Variants in EBF1 observed in about 807,000 individuals in gnomAD.
EBF1 encodes the protein transcription factor COE1.
In EBF1, 10 loss-of-function variants were observed where a neutral mutation model predicts 68.4. The observed-to-expected ratio is 0.15, with a 90% CI of 0.09 to 0.25. EBF1 has a LOEUF of 0.25. Ranked by LOEUF, EBF1 falls within the 10% of genes least tolerant of loss-of-function variation. The probability of loss-of-function intolerance (pLI) is 1.00; values close to 1 mark genes in which losing one functional copy is unlikely to be tolerated. For synonymous variants in EBF1, 298 were observed against 299.8 expected, an observed-to-expected ratio of 0.99 and a Z score of 0.06; for missense variants, 509 against 794.4, an observed-to-expected ratio of 0.64 and a Z score of 4.32.
intron 10 of EBF1, among the ~76,000 whole-genome samples, chr5:158,764,342 TA>T (rs1344931592): frequency 5.3e-5 from 8 of 152,234 alleles, no homozygotes; most frequent in African/African-American, 1.9e-4. Context: ...GCCAAGTCTT[TA>T]AAACTCTGTA....
At chr5:158,839,476 G>A (rs555807670) in intron 7 of EBF1, among the ~76,000 whole-genome samples, 6 of 152,032 alleles carry the variant, frequency 3.9e-5, no homozygotes, top group East Asian at 1.9e-4. Flanking sequence ...TCCAACTCCC[G>A]GGTTCAAGTG....
intron 9 of EBF1, among the ~76,000 whole-genome samples, chr5:158,795,117 A>T (rs1779379068): frequency 6.6e-6 from 1 of 152,216 alleles, no homozygotes; most frequent in African/African-American, 2.4e-5. Flanking sequence ...CTTACAAAGA[A>T]CAGCGTCTGT....
At chr5:158,721,669 G>T (rs753532560) in intron 11 of EBF1, among the ~76,000 whole-genome samples, 1 of 152,072 alleles carries the variant, frequency 6.6e-6, no homozygotes, top group Non-Finnish European at 1.5e-5. Context: ...CTGTTGGTTC[G>T]ATCGTGTGAC....
chr5:159,025,819 C>T (rs1767613699), intron 6 of EBF1, among the ~76,000 whole-genome samples: 1 of 152,220 alleles, frequency 6.6e-6, no homozygotes, highest in African/African-American at 2.4e-5. Context: ...CACCAACATA[C>T]ACCTCTGAAT....
At chr5:159,069,625 C>G (rs1777466050) in intron 6 of EBF1, among the ~76,000 whole-genome samples, 1 of 152,118 alleles carries the variant, frequency 6.6e-6, no homozygotes, top group Non-Finnish European at 1.5e-5. Flanking sequence ...TAAAAAGTTT[C>G]CATATAGAAA....
intron 6 of EBF1, among the ~76,000 whole-genome samples, chr5:158,910,678 TTAAGTA>T (rs1304348430): frequency 6.6e-6 from 1 of 152,198 alleles, no homozygotes; most frequent in East Asian, 1.9e-4. Context: ...TCCCCAATCT[TTAAGTA>T]TTTCTCAGAA....
At chr5:159,096,514 C>T (rs7442701) in intron 2 of EBF1, 108 bp from the exon 3 acceptor site, 200,901 of 1,291,890 alleles carry the variant, frequency 0.16, 16,644 homozygotes, top group Non-Finnish European at 0.17. Context: ...CCCCCGCTGG[C>T]GAGCCAGGCA....
chr5:158,821,577 A>C (rs1784824818), intron 8 of EBF1, among the ~76,000 whole-genome samples: 1 of 152,168 alleles, frequency 6.6e-6, no homozygotes. Context: ...CAAAAACATA[A>C]CTTCAATCCT....
intron 6 of EBF1, among the ~76,000 whole-genome samples, chr5:159,057,358 C>T (rs1363611342): frequency 6.6e-6 from 1 of 152,186 alleles, no homozygotes; most frequent in Non-Finnish European, 1.5e-5. Context: ...CCACCTGCCT[C>T]AGCCTCCAAA....
intron 6 of EBF1, among the ~76,000 whole-genome samples, chr5:158,997,004 GA>G: frequency 6.6e-6 from 1 of 152,244 alleles, no homozygotes; most frequent in East Asian, 1.9e-4. Context: ...CTCTGGCTCT[GA>G]TCCAAATCTC....
intron 6 of EBF1, among the ~76,000 whole-genome samples, chr5:159,026,525 C>T (rs982385217): frequency 1.3e-5 from 2 of 152,102 alleles, no homozygotes; most frequent in Admixed American, 6.5e-5. Flanking sequence ...AAAACTAGAA[C>T]TGACACCAAC....
chr5:159,044,321 T>C (rs1235943751), intron 6 of EBF1, among the ~76,000 whole-genome samples: 2 of 152,218 alleles, frequency 1.3e-5, no homozygotes, highest in Non-Finnish European at 2.9e-5. Context: ...ACTGGGCTTT[T>C]GAAGGACCCC....
intron 14 of EBF1, among the ~76,000 whole-genome samples, chr5:158,708,498 C>T (rs953655835): frequency 3.9e-5 from 6 of 152,250 alleles, no homozygotes. Flanking sequence ...ACTAACCAAT[C>T]CAAATGCACC....
chr5:158,940,296 G>A (rs1812957736), intron 6 of EBF1, among the ~76,000 whole-genome samples: 2 of 152,158 alleles, frequency 1.3e-5, no homozygotes, highest in Admixed American at 1.3e-4. Context: ...AAACCAAAGG[G>A]CAGGATTTGC....
chr5:158,963,235 A>C (rs1583501967), intron 6 of EBF1, among the ~76,000 whole-genome samples: 1 of 152,208 alleles, frequency 6.6e-6, no homozygotes, highest in East Asian at 1.9e-4. Context: ...TGAATTTCTA[A>C]AGAAAGGTTC....
At chr5:158,879,599 G>A (rs1259417310) in intron 6 of EBF1, among the ~76,000 whole-genome samples, 1 of 152,128 alleles carries the variant, frequency 6.6e-6, no homozygotes, top group Non-Finnish European at 1.5e-5. Context: ...TTGCTATTGT[G>A]AATAGTGCCG....
Position 158,906,304 on chromosome 5 carries a change from G to GAAAAAA in EBF1, c.555-66200_555-66195dup, listed in dbSNP as rs1238469759. 7.7e-5 allele frequency among the ~76,000 whole-genome samples: 7 copies of GAAAAAA among 90,470 alleles called. 1 individual carries two copies. Among genetic ancestry groups the GAAAAAA allele is most frequent in the Admixed American group, 1.3e-4 (1 of 7,950 alleles). 59.4% of individuals were successfully genotyped at this position (90,470 alleles called of 152,430 possible). On this transcript the variant is annotated intron_variant, in intron 6 of 15. Transcript: ENST00000313708. ...TGTCTTTCCTTACCCTGGCAATGCA[G>GAAAAAA]AAAAAAAAAAAAAAAAAAGCAAAGA...
intron 6 of EBF1, among the ~76,000 whole-genome samples, chr5:159,026,281 GT>G (rs879316540): frequency 2.3e-4 from 34 of 145,660 alleles, no homozygotes; most frequent in Admixed American, 4.1e-4. Flanking sequence ...AATGAAGACT[GT>G]TTTTTTTTTT....
intron 6 of EBF1, among the ~76,000 whole-genome samples, chr5:159,000,242 AACT>A (rs1251064926): frequency 6.6e-6 from 1 of 152,200 alleles, no homozygotes; most frequent in Non-Finnish European, 1.5e-5. Context: ...GAAGTAATAA[AACT>A]ACTAATTTTA....
Sources: allele counts gnomAD v4.1 joint callset (sites outside exome capture counted in the v4.1 genomes callset), GRCh38; gene constraint gnomAD v4.1.1; transcripts MANE v1.5; gene names NCBI Gene and HGNC (gene_info 2026-07-23, HGNC 2026-07-21).